Variants in TEX36 observed in about 807,000 individuals in gnomAD.
TEX36 encodes testis expressed 36, also known as testis-expressed protein 36.
In TEX36, 12 loss-of-function variants were observed where a neutral mutation model predicts 13.6. The ratio of observed to expected loss-of-function variants is 0.88; its 90% confidence interval spans 0.56 to 1.43. The LOEUF (loss-of-function observed/expected upper bound fraction) is 1.43, where lower values mean the gene tolerates loss of function less well. Among genes scored for constraint, TEX36 ranks in the 40% most tolerant of loss-of-function variants. TEX36 has a pLI of 0.00. For missense variants in TEX36, 224 were observed against 228.3 expected (o/e 0.98, Z 0.12); for synonymous variants, 93 against 83.0 (o/e 1.12, Z -0.65).
chr10:125,667,853 G>A (rs1250697817), intron 1 of TEX36: 2 of 1,509,286 alleles, frequency 1.3e-6, no homozygotes, highest in Non-Finnish European at 1.8e-6. Context: ...GGACTCATCT[G>A]CAGCCAGGAT....
At chr10:125,633,938 G>T (rs1846592336) in intron 3 of TEX36, among the ~76,000 whole-genome samples, 1 of 152,090 alleles carries the variant, frequency 6.6e-6, no homozygotes, top group South Asian at 2.1e-4. Context: ...ACTTTATGGG[G>T]CCCTTTAGTA....
At chr10:125,632,150 G>A (rs1367106315) in intron 3 of TEX36, among the ~76,000 whole-genome samples, 1 of 152,058 alleles carries the variant, frequency 6.6e-6, no homozygotes, top group African/African-American at 2.4e-5. Flanking sequence ...TTGGGGCTTT[G>A]GTGACTACAT....
At chr10:125,602,944 T>G (rs942380248) in intron 3 of TEX36, among the ~76,000 whole-genome samples, 2 of 152,210 alleles carry the variant, frequency 1.3e-5, no homozygotes, top group African/African-American at 4.8e-5. Flanking sequence ...CATGGGGACC[T>G]GTGTGGCTTG....
chr10:125,657,711 G>A (rs986422273), intron 3 of TEX36, among the ~76,000 whole-genome samples: 2 of 152,074 alleles, frequency 1.3e-5, no homozygotes, highest in Non-Finnish European at 1.5e-5. Context: ...GGGAAATCAG[G>A]GCCACATCTT....
intron 1 of TEX36, among the ~76,000 whole-genome samples, chr10:125,676,538 A>C (rs901979202): frequency 1.3e-5 from 2 of 151,998 alleles, no homozygotes; most frequent in African/African-American, 4.8e-5. Flanking sequence ...AGCAGCATAT[A>C]GTTGGATCTT....
intron 3 of TEX36, among the ~76,000 whole-genome samples, chr10:125,634,238 G>A (rs1157149762): frequency 6.6e-6 from 1 of 152,122 alleles, no homozygotes; most frequent in African/African-American, 2.4e-5. Context: ...TATAGAGAGT[G>A]TGATTCCTTC....
chr10:125,590,167 T>G (rs1369284306), intron 3 of TEX36, among the ~76,000 whole-genome samples: 3 of 151,970 alleles, frequency 2.0e-5, no homozygotes, highest in Non-Finnish European at 1.5e-5. Context: ...CAGGCTGGAG[T>G]GTAGTGGCAC....
intron 3 of TEX36, among the ~76,000 whole-genome samples, chr10:125,582,248 T>A (rs1374824840): frequency 6.6e-6 from 1 of 152,146 alleles, no homozygotes; most frequent in African/African-American, 2.4e-5. Context: ...GAATCATGAG[T>A]TTCACTTCAG....
chr10:125,650,084 T>C (rs1303579391), intron 3 of TEX36, among the ~76,000 whole-genome samples: 3 of 152,154 alleles, frequency 2.0e-5, no homozygotes, highest in Non-Finnish European at 4.4e-5. Flanking sequence ...ATTAGACAGA[T>C]CCATGAGACA....
chr10:125,670,067 T>C (rs1162218533), intron 1 of TEX36, among the ~76,000 whole-genome samples: 1 of 152,240 alleles, frequency 6.6e-6, no homozygotes. Flanking sequence ...CGCATGAATG[T>C]ATCTTTATAA....
At chr10:125,668,728 G>A (rs542909367) in intron 1 of TEX36, among the ~76,000 whole-genome samples, 100 of 152,102 alleles carry the variant, frequency 6.6e-4, no homozygotes, top group African/African-American at 2.2e-3. Context: ...TCTGGCTCTG[G>A]TCTTTATTAT....
chr10:125,595,261 AG>A (rs1846066127), intron 3 of TEX36, among the ~76,000 whole-genome samples: 1 of 152,114 alleles, frequency 6.6e-6, no homozygotes, highest in Non-Finnish European at 1.5e-5. Context: ...AATAATAAAT[AG>A]GTTGTCCCTC....
At chr10:125,584,630 A>G (rs1055573988) in intron 3 of TEX36, among the ~76,000 whole-genome samples, 2 of 152,284 alleles carry the variant, frequency 1.3e-5, no homozygotes, top group Middle Eastern at 3.4e-3. Context: ...CCCTAATCCA[A>G]TGGAATAGTG....
chr10:125,594,612 T>G (rs1024863039), intron 3 of TEX36, among the ~76,000 whole-genome samples: 4 of 152,214 alleles, frequency 2.6e-5, no homozygotes, highest in African/African-American at 4.8e-5. Context: ...AAACACACGA[T>G]TCTACATAAA....
intron 3 of TEX36, among the ~76,000 whole-genome samples, chr10:125,629,319 C>G (rs72841551): frequency 9.5e-4 from 144 of 152,286 alleles, no homozygotes; most frequent in Non-Finnish European, 1.6e-3. Flanking sequence ...TTCTGAGAAA[C>G]CTGTTTCCTC....
chr10:125,604,530 A>C (rs929584477), intron 3 of TEX36, among the ~76,000 whole-genome samples: 1 of 151,854 alleles, frequency 6.6e-6, no homozygotes, highest in Non-Finnish European at 1.5e-5. Flanking sequence ...AGAAAAAAAG[A>C]GAGCCAAGGG....
At chr10:125,576,566 C>G (rs1031925205) in exon 4 of TEX36, 1 of 820,734 alleles carries the variant, frequency 1.2e-6, no homozygotes, top group African/African-American at 1.7e-5. Flanking sequence ...TGCGCCCACA[C>G]AGGCAAGCAG....
chr10:125,613,693 G>A (rs1381366553), intron 3 of TEX36, among the ~76,000 whole-genome samples: 1 of 151,636 alleles, frequency 6.6e-6, no homozygotes, highest in Non-Finnish European at 1.5e-5. Flanking sequence ...TTGGACATTT[G>A]GGTTGGTTCC....
intron 3 of TEX36, among the ~76,000 whole-genome samples, chr10:125,585,127 T>C (rs1249282256): frequency 6.6e-6 from 1 of 152,170 alleles, no homozygotes; most frequent in African/African-American, 2.4e-5. Flanking sequence ...AAATGCTGTG[T>C]GATGAGTCAC....
Sources: allele counts gnomAD v4.1 joint callset (sites outside exome capture counted in the v4.1 genomes callset), GRCh38; gene constraint gnomAD v4.1.1; transcripts MANE v1.5; gene names NCBI Gene and HGNC (gene_info 2026-07-23, HGNC 2026-07-21).